SERINC5: variants seen among roughly 807,000 people sequenced by gnomAD.
SERINC5 encodes the protein serine incorporator 5, also known as chromosome 5 open reading frame 12.
SERINC5 carries 41 observed loss-of-function variants against 63.1 expected under a neutral mutation model. The observed-to-expected ratio is 0.65, with a 90% CI of 0.51 to 0.84. The LOEUF is 0.84. SERINC5 is among the 40% of genes least tolerant of loss of function. The pLI is 0.00. For missense variants in SERINC5, 523 were observed against 573.0 expected (o/e 0.91, Z 0.89); for synonymous variants, 222 against 215.2 (o/e 1.03, Z -0.28).
At chr5:80,251,456 G>A (rs1042344724) in intron 1 of SERINC5, among the ~76,000 whole-genome samples, 4 of 152,082 alleles carry the variant, frequency 2.6e-5, no homozygotes, top group Non-Finnish European at 4.4e-5. Context: ...TAGGGCCGGC[G>A]CAGTAGCTCA....
intron 1 of SERINC5, among the ~76,000 whole-genome samples, chr5:80,212,491 A>C (rs896915829): frequency 6.6e-6 from 1 of 152,152 alleles, no homozygotes; most frequent in East Asian, 1.9e-4. Flanking sequence ...CTTTGAGTCA[A>C]CTGTGGTCTG....
At chr5:80,116,102 G>T in intron 11 of SERINC5, 2 of 357,006 alleles carry the variant, frequency 5.6e-6, no homozygotes, top group South Asian at 4.2e-5. Context: ...AGGGCAGAAA[G>T]CCTCCACGTT....
At chr5:80,250,890 A>G (rs1482603569) in intron 1 of SERINC5, among the ~76,000 whole-genome samples, 1 of 151,958 alleles carries the variant, frequency 6.6e-6, no homozygotes, top group African/African-American at 2.4e-5. Flanking sequence ...GCTCACTTTA[A>G]AAGGCCTAGT....
At chr5:80,222,553 A>AGTATGTGAGTGTGTGTGTGTGTGT (rs550308144) in intron 1 of SERINC5, among the ~76,000 whole-genome samples, 1 of 138,892 alleles carries the variant, frequency 7.2e-6, no homozygotes, top group African/African-American at 2.5e-5. Context: ...TTTGTGGGTG[A>AGTATGTGAGTGTGTGTGTGTGTGT]GTGTGTGAGT....
At chr5:80,189,672 T>G (rs1243141213) in intron 2 of SERINC5, among the ~76,000 whole-genome samples, 1 of 152,178 alleles carries the variant, frequency 6.6e-6, no homozygotes. Context: ...AAACACATGC[T>G]TATAGTCTAA....
chr5:80,212,672 G>A (rs115671481), intron 1 of SERINC5, among the ~76,000 whole-genome samples: 1 of 137,242 alleles, frequency 7.3e-6, no homozygotes. Flanking sequence ...GGGTGGGGGG[G>A]GGGTGTTGGT....
chr5:80,174,548 A>C, intron 5 of SERINC5, among the ~76,000 whole-genome samples: 1 of 152,120 alleles, frequency 6.6e-6, no homozygotes, highest in East Asian at 1.9e-4. Flanking sequence ...AAGGTACTTT[A>C]GTTGTTCTAT....
At chr5:80,199,566 G>A (rs1205343323) in intron 2 of SERINC5, among the ~76,000 whole-genome samples, 1 of 152,178 alleles carries the variant, frequency 6.6e-6, no homozygotes, top group Non-Finnish European at 1.5e-5. Flanking sequence ...GACTGGAATT[G>A]CTAGAACTGC....
At chr5:80,238,328 G>C (rs912732449) in intron 1 of SERINC5, among the ~76,000 whole-genome samples, 18 of 152,044 alleles carry the variant, frequency 1.2e-4, no homozygotes, top group African/African-American at 4.3e-4. Flanking sequence ...CTACACTAAC[G>C]GTGAGATAGT....
intron 5 of SERINC5, among the ~76,000 whole-genome samples, chr5:80,171,900 A>AGTGCTGTGGTGTGATCTTGGCTCATTGC (rs1747691297): frequency 6.6e-6 from 1 of 152,016 alleles, no homozygotes; most frequent in Non-Finnish European, 1.5e-5. Flanking sequence ...AAAGACAAAA[A>AGTGCTGTGGTGTGATCTTGGCTCATTGC]AAGAAAGGAA....
downstream of SERINC5, among the ~76,000 whole-genome samples, chr5:80,137,235 C>T (rs1230687284): frequency 6.6e-6 from 1 of 151,088 alleles, no homozygotes; most frequent in East Asian, 2.0e-4. Flanking sequence ...GGGTATATAC[C>T]CAAAGGGAAT....
intron 11 of SERINC5, among the ~76,000 whole-genome samples, chr5:80,120,678 G>C (rs1307299733): frequency 6.6e-6 from 1 of 151,920 alleles, no homozygotes; most frequent in African/African-American, 2.4e-5. Context: ...AGCCAGGTGT[G>C]GGGGCAGGCG....
chr5:80,225,442 C>T (rs1751126513), intron 1 of SERINC5, among the ~76,000 whole-genome samples: 1 of 152,214 alleles, frequency 6.6e-6, no homozygotes, highest in Admixed American at 6.5e-5. Context: ...CCTTCACAAC[C>T]TTCCTCTCAT....
intron 11 of SERINC5, among the ~76,000 whole-genome samples, chr5:80,125,453 C>T (rs948615038): frequency 5.3e-5 from 8 of 152,116 alleles, no homozygotes; most frequent in South Asian, 2.1e-4. Flanking sequence ...GCAAGGTTCA[C>T]TGTCAAGGAA....
intron 5 of SERINC5, among the ~76,000 whole-genome samples, chr5:80,173,442 A>C (rs1485379432): frequency 6.6e-6 from 1 of 152,042 alleles, no homozygotes; most frequent in Non-Finnish European, 1.5e-5. Flanking sequence ...AAAAAATACA[A>C]AAAATTAGCC....
intron 1 of SERINC5, among the ~76,000 whole-genome samples, chr5:80,230,608 C>T (rs984223149): frequency 1.3e-5 from 2 of 152,048 alleles, no homozygotes; most frequent in Admixed American, 6.6e-5. Context: ...TTACAAGTGC[C>T]GTCACAGACT....
chr5:80,183,972 C>T (rs1475967507), intron 2 of SERINC5, among the ~76,000 whole-genome samples: 1 of 152,140 alleles, frequency 6.6e-6, no homozygotes, highest in African/African-American at 2.4e-5. Flanking sequence ...CAATTTTTAG[C>T]TGTGTTTAAA....
At chr5:80,174,539 A>G (rs1561394752) in intron 5 of SERINC5, among the ~76,000 whole-genome samples, 1 of 152,128 alleles carries the variant, frequency 6.6e-6, no homozygotes, top group East Asian at 1.9e-4. Context: ...AGGGAAGAAA[A>G]GGTACTTTAG....
At chr5:80,172,286 A>G (rs1166506013) in intron 5 of SERINC5, among the ~76,000 whole-genome samples, 1 of 152,152 alleles carries the variant, frequency 6.6e-6, no homozygotes, top group African/African-American at 2.4e-5. Flanking sequence ...ATGCCACTGC[A>G]CTCTAGCCTG....
Sources: gnomAD v4.1 joint callset for allele counts (sites outside exome capture counted in the v4.1 genomes callset) on GRCh38, gnomAD v4.1.1 for gene constraint, MANE v1.5 for transcripts, NCBI Gene and HGNC (gene_info 2026-07-23, HGNC 2026-07-21) for gene names.